Variants in RAD51B observed in about 807,000 individuals in gnomAD.
RAD51B encodes RAD51 paralog B.
Under a neutral mutation model 42.2 loss-of-function variants are expected in RAD51B, and 38 were observed. The observed-to-expected ratio is 0.90, with a 90% CI of 0.70 to 1.18. The LOEUF (loss-of-function observed/expected upper bound fraction) is 1.18. Ranked by LOEUF, RAD51B falls within the 50% of genes most tolerant of loss-of-function variation. The pLI, the probability that RAD51B is intolerant of heterozygous loss-of-function variation, is 0.00. For synonymous variants in RAD51B, 154 were observed against 145.2 expected (o/e 1.06, Z -0.43); for missense variants, 373 against 400.7 (o/e 0.93, Z 0.59).
At chr14:68,384,672 C>G (rs1007922293) in intron 8 of RAD51B, among the ~76,000 whole-genome samples, 8 of 152,176 alleles carry the variant, frequency 5.3e-5, no homozygotes, top group East Asian at 3.8e-4. Context: ...AATTAAGGTT[C>G]CTTTTTCTTG....
At chr14:68,654,966 T>C (rs1892780492) in intron 11 of RAD51B, among the ~76,000 whole-genome samples, 1 of 151,922 alleles carries the variant, frequency 6.6e-6, no homozygotes. Context: ...CCAGGTAAGT[T>C]AGAGTGAAAG....
chr14:67,848,308 C>T (rs1474558961), intron 4 of RAD51B, among the ~76,000 whole-genome samples: 5 of 152,204 alleles, frequency 3.3e-5, no homozygotes, highest in South Asian at 2.1e-4. Flanking sequence ...TGAGCCACCA[C>T]GCCTGGCTGG....
At chr14:68,258,982 C>A (rs1383109727) in intron 7 of RAD51B, among the ~76,000 whole-genome samples, 1 of 152,092 alleles carries the variant, frequency 6.6e-6, no homozygotes, top group Non-Finnish European at 1.5e-5. Context: ...GTGACCTGTC[C>A]CTAGTCAAGG....
chr14:68,437,261 A>T (rs1196235067), intron 9 of RAD51B, among the ~76,000 whole-genome samples: 1 of 152,156 alleles, frequency 6.6e-6, no homozygotes, highest in Non-Finnish European at 1.5e-5. Context: ...ATCTATTGAG[A>T]TGATCATATG....
intron 8 of RAD51B, among the ~76,000 whole-genome samples, chr14:68,409,597 G>A (rs775719602): frequency 1.3e-5 from 2 of 152,180 alleles, no homozygotes; most frequent in Non-Finnish European, 2.9e-5. Flanking sequence ...CAAGGAAGGG[G>A]GAAGCTTTAT....
intron 4 of RAD51B, among the ~76,000 whole-genome samples, chr14:67,836,667 G>T (rs1956347): frequency 0.33 from 50,496 of 151,832 alleles, 8,802 homozygotes; most frequent in Middle Eastern, 0.45. Flanking sequence ...GTTTCACCAT[G>T]TTGTCCAGGC....
At chr14:68,551,915 CATTT>C (rs1340360745) in intron 10 of RAD51B, among the ~76,000 whole-genome samples, 3 of 152,154 alleles carry the variant, frequency 2.0e-5, no homozygotes, top group Non-Finnish European at 2.9e-5. Flanking sequence ...CTAGGACTTG[CATTT>C]GAAGTCATAA....
intron 7 of RAD51B, among the ~76,000 whole-genome samples, chr14:68,075,185 G>C (rs2076812138): frequency 6.6e-6 from 1 of 152,180 alleles, no homozygotes; most frequent in Non-Finnish European, 1.5e-5. Flanking sequence ...GCCCAAGCCA[G>C]GAAGGCTTGC....
chr14:68,624,377 C>G (rs1236361816), intron 10 of RAD51B, among the ~76,000 whole-genome samples: 1 of 152,128 alleles, frequency 6.6e-6, no homozygotes, highest in Non-Finnish European at 1.5e-5. Flanking sequence ...CTAAAGGGGG[C>G]TATGGTTCTG....
intron 8 of RAD51B, 112 bp from the exon 9 acceptor site, chr14:68,411,312 T>A: frequency 2.4e-6 from 2 of 835,702 alleles, no homozygotes. Flanking sequence ...GGTAATGAAC[T>A]GAGCCTCCAA....
intron 7 of RAD51B, among the ~76,000 whole-genome samples, chr14:68,114,763 A>G (rs448445): frequency 0.17 from 25,711 of 152,124 alleles, 2,365 homozygotes; most frequent in Middle Eastern, 0.35. Flanking sequence ...ATTTCATATT[A>G]TTTGTGTAAG....
intron 11 of RAD51B, among the ~76,000 whole-genome samples, chr14:68,669,969 G>A (rs1373938818): frequency 6.6e-6 from 1 of 152,112 alleles, no homozygotes; most frequent in Non-Finnish European, 1.5e-5. Flanking sequence ...GGCCCTGGTG[G>A]GGGGCTCAGA....
At chr14:68,167,503 G>A (rs781447582) in intron 7 of RAD51B, among the ~76,000 whole-genome samples, 12 of 151,992 alleles carry the variant, frequency 7.9e-5, no homozygotes, top group African/African-American at 2.2e-4. Flanking sequence ...GCCTTTCAAC[G>A]TCCAGCTCAG....
intron 10 of RAD51B, among the ~76,000 whole-genome samples, chr14:68,586,698 C>G (rs541611169): frequency 8.5e-5 from 13 of 152,294 alleles, no homozygotes; most frequent in African/African-American, 3.1e-4. Context: ...TCCAGTCACC[C>G]CCTTTAAAAG....
intron 10 of RAD51B, among the ~76,000 whole-genome samples, chr14:68,619,380 G>A (rs1036396092): frequency 6.6e-6 from 1 of 151,500 alleles, no homozygotes. Context: ...GGAGAATGGC[G>A]TGAACCTGGG....
intron 3 of RAD51B, among the ~76,000 whole-genome samples, chr14:67,828,539 A>T (rs893242606): frequency 1.3e-5 from 2 of 152,068 alleles, no homozygotes; most frequent in African/African-American, 4.8e-5. Flanking sequence ...CATTTTTGTC[A>T]TGATATCTTT....
intron 8 of RAD51B, among the ~76,000 whole-genome samples, chr14:68,334,108 C>G (rs1371620538): frequency 1.3e-5 from 2 of 152,104 alleles, no homozygotes; most frequent in African/African-American, 2.4e-5. Context: ...ATGGTGGAAT[C>G]TCATTCTTTT....
intron 10 of RAD51B, chr14:68,563,345 C>T: frequency 1.9e-5 from 19 of 985,448 alleles, no homozygotes; most frequent in Non-Finnish European, 2.3e-5. Flanking sequence ...CCAGCTCAGC[C>T]TGCCAGGCCT....
At chr14:68,318,444 T>C (rs1015568595) in intron 8 of RAD51B, among the ~76,000 whole-genome samples, 1 of 152,194 alleles carries the variant, frequency 6.6e-6, no homozygotes, top group African/African-American at 2.4e-5. Flanking sequence ...TAGGGCCTTA[T>C]AGGGTAAACC....
Sources: gnomAD v4.1 joint callset for allele counts (sites outside exome capture counted in the v4.1 genomes callset) on GRCh38, gnomAD v4.1.1 for gene constraint, MANE v1.5 for transcripts, NCBI Gene and HGNC (gene_info 2026-07-23, HGNC 2026-07-21) for gene names.